The following ULK2 variants were observed in gnomAD, a reference collection of about 807,000 sequenced individuals.
ULK2 encodes the protein serine/threonine-protein kinase ULK2.
Under a neutral mutation model 127.5 loss-of-function variants are expected in ULK2, and 76 were observed. The observed-to-expected ratio is 0.60, with a 90% CI of 0.50 to 0.72. The LOEUF is 0.72. Ranked by LOEUF, ULK2 falls within the 30% of genes least tolerant of loss-of-function variation. The pLI is 0.00. For missense variants in ULK2, 1,144 were observed against 1,295.9 expected (o/e 0.88, Z 1.80); for synonymous variants, 452 against 461.9 (o/e 0.98, Z 0.28).
At chr17:19,826,786 T>A (rs868373685) in intron 10 of ULK2, among the ~76,000 whole-genome samples, 12 of 152,040 alleles carry the variant, frequency 7.9e-5, no homozygotes, top group Admixed American at 1.3e-4. Context: ...TGAAACCCTG[T>A]CTCTACTAAA....
At chr17:19,787,492 G>T (rs1056779879) in intron 20 of ULK2, among the ~76,000 whole-genome samples, 5 of 152,124 alleles carry the variant, frequency 3.3e-5, no homozygotes, top group African/African-American at 1.2e-4. Flanking sequence ...GAGTCAGATG[G>T]GAGTAAAACT....
chr17:19,810,963 T>C (rs1264699554), intron 13 of ULK2: 1 of 152,268 alleles, frequency 6.6e-6, no homozygotes, highest in Non-Finnish European at 1.5e-5. Context: ...TTGAACAAGA[T>C]GTCATGGAAG....
At chr17:19,855,161 T>C (rs576950294) in intron 3 of ULK2, among the ~76,000 whole-genome samples, 1 of 150,022 alleles carries the variant, frequency 6.7e-6, no homozygotes, top group East Asian at 2.0e-4. Flanking sequence ...TCCCAGCACT[T>C]TGGGAGGCCG....
At chr17:19,840,562 A>C in intron 9 of ULK2, 1 of 246,138 alleles carries the variant, frequency 4.1e-6, no homozygotes, top group Non-Finnish European at 7.9e-6. Context: ...TAGTCTATTA[A>C]TCATTTAAAA....
In ULK2 at chr17:19,805,031, T is replaced by C. The variant is rs1379954687; in HGVS notation, c.1158-201A>G. ...TTATCTAAAAAACTCCTGGCATTCA[T>C]ATGCATATTGAGGACTAAGAATTAT... On this transcript the variant is annotated intron_variant, in intron 14 of 26. Transcript: ENST00000395544. Among the ~76,000 whole-genome samples, 4 of 121,726 alleles carry C rather than the reference T, an allele frequency of 3.3e-5. No individual in the cohort carries two copies. The East Asian group carries it at 8.6e-4, about 26-fold the overall frequency. The allele number at this position is 121,726 out of a possible 152,430, so 79.9% of individuals were successfully genotyped here. A position where few individuals can be genotyped will look rare whatever the true frequency, so the allele number is the denominator to read the frequency against.
rs546925982 is a variant in ULK2, at chr17:19,863,596, T to C, written c.225+1207A>G. 7.3e-5 allele frequency among the ~76,000 whole-genome samples: 11 copies of C among 151,594 alleles called. No homozygotes were observed. The South Asian group carries it at 2.3e-3, about 32-fold the overall frequency. ...TCACTGCAGCCTTGAACTCCTGTGC[T>C]CAAGCGATCTTCCTGCCTCAGCCTC... is the stretch of plus-strand genomic sequence containing the variant. On this transcript the variant is annotated intron_variant, in intron 3 of 26. Transcript: ENST00000395544.
At chr17:19,783,504 C>T (rs2086963261) in intron 22 of ULK2, among the ~76,000 whole-genome samples, 193 bp downstream of exon 22, 1 of 152,044 alleles carries the variant, frequency 6.6e-6, no homozygotes, top group Non-Finnish European at 1.5e-5. Context: ...TTCCTATAAA[C>T]CAAAGCTTAT....
Position 19,849,732 on chromosome 17 carries a change from T to C in ULK2, c.258+10A>G, listed in dbSNP as rs758584171. The C allele has an allele frequency of 1.2e-5, 18 of 1,509,128 alleles. 1 individual carries two copies. Among genetic ancestry groups the C allele is most frequent in the Middle Eastern group, 1.7e-4 (1 of 5,760 alleles). The allele number at this position is 1,509,128 out of a possible 1,614,324, so 93.5% of individuals were successfully genotyped here. On this transcript the variant is annotated intron_variant, in intron 4 of 26. Transcript: ENST00000395544. ...GAAATAAATTAAACAGAAGTTTGTA[T>C]ACTACCTACCTCCATCACCAAAAAG...
intron 25 of ULK2, among the ~76,000 whole-genome samples, chr17:19,777,962 T>C (rs1296429598): frequency 6.6e-6 from 1 of 152,216 alleles, no homozygotes; most frequent in East Asian, 1.9e-4. Flanking sequence ...TTCATAAATT[T>C]CATACTAGAA....
chr17:19,817,768 A>G (rs2041028521), intron 12 of ULK2, among the ~76,000 whole-genome samples: 1 of 152,214 alleles, frequency 6.6e-6, no homozygotes, highest in East Asian at 1.9e-4. Flanking sequence ...AAAATACTAT[A>G]TTATGCTCTT....
intron 25 of ULK2, among the ~76,000 whole-genome samples, chr17:19,779,377 C>T (rs964022613): frequency 6.6e-6 from 1 of 151,778 alleles, no homozygotes; most frequent in Non-Finnish European, 1.5e-5. Context: ...ACTAAAAACA[C>T]AAAAATTAGC....
chr17:19,816,859 G>C lies in ULK2; in HGVS notation c.986C>G (p.Pro329Arg). 1 of 1,612,394 alleles carries C rather than the reference G, an allele frequency of 6.2e-7. No homozygotes were observed. Among genetic ancestry groups the C allele is most frequent in the Non-Finnish European group, 8.5e-7 (1 of 1,179,480 alleles). Reference sequence around the variant, plus strand: ...ATCTTTGGAAACTTGTAGATAGTTGGGAGGACCCAATGGTGGGGAAGATAA... The same window carrying C: ...ATCTTTGGAAACTTGTAGATAGTTGCGAGGACCCAATGGTGGGGAAGATAA... ...ENLSSPPLGPPNYLQVSKDSA... is the reference protein window; with the variant it reads ...ENLSSPPLGPRNYLQVSKDSA... The change falls in exon 13 of 27, where the codon CCC (proline) becomes CGC (arginine). Residue 329 changes from proline to arginine, a missense_variant. By Grantham distance (103) the Pro-to-Arg change is moderately radical. Coordinates refer to ENST00000395544, the MANE Select transcript of ULK2 (RefSeq NM_014683.4).
intron 3 of ULK2, among the ~76,000 whole-genome samples, chr17:19,862,204 C>G (rs1371330927): frequency 1.3e-5 from 2 of 151,486 alleles, no homozygotes; most frequent in Non-Finnish European, 2.9e-5. Context: ...TCAAGTGATT[C>G]TCCTGCCTCA....
intron 20 of ULK2, among the ~76,000 whole-genome samples, chr17:19,791,970 T>C (rs1285045318): frequency 1.3e-5 from 2 of 151,758 alleles, no homozygotes; most frequent in African/African-American, 2.4e-5. Flanking sequence ...TTAAACAATA[T>C]GCTCCTGAAT....
chr17:19,824,430 G>A (rs1192637444), intron 12 of ULK2, among the ~76,000 whole-genome samples: 1 of 115,274 alleles, frequency 8.7e-6, no homozygotes, highest in Non-Finnish European at 1.6e-5. Flanking sequence ...CTGGGCGACA[G>A]AGCGAAACTC....
intron 14 of ULK2, 75 bp downstream of exon 14, chr17:19,810,303 C>T: frequency 1.2e-6 from 1 of 834,736 alleles, no homozygotes; most frequent in Non-Finnish European, 1.8e-6. Context: ...AAATCAAGAA[C>T]ACTAAGTTCT....
At chr17:19,814,440 T>A (rs28370435) in intron 13 of ULK2, among the ~76,000 whole-genome samples, 437 of 6,872 alleles carry the variant, frequency 0.064, 8 homozygotes, top group South Asian at 0.12. Context: ...ATATATATAT[T>A]TTTTTTTTTT....
chr17:19,861,960 A>G (rs1361804697), intron 3 of ULK2, among the ~76,000 whole-genome samples: 1 of 152,222 alleles, frequency 6.6e-6, no homozygotes, highest in Non-Finnish European at 1.5e-5. Context: ...ACAATCAAAA[A>G]TTTTAACACT....
At chr17:19,806,187 C>T (rs1461539954) in intron 14 of ULK2, among the ~76,000 whole-genome samples, 1 of 152,128 alleles carries the variant, frequency 6.6e-6, no homozygotes, top group East Asian at 1.9e-4. Context: ...ACCCAAGTTC[C>T]TTAACAACAG....
Sources: allele counts gnomAD v4.1 joint callset (sites outside exome capture counted in the v4.1 genomes callset), GRCh38; gene constraint gnomAD v4.1.1; transcripts MANE v1.5; gene names NCBI Gene and HGNC (gene_info 2026-07-23, HGNC 2026-07-21).